The following UBE2E2 variants were observed in gnomAD, a reference collection of about 807,000 sequenced individuals.
The protein encoded by UBE2E2 is ubiquitin-conjugating enzyme E2 E2.
In UBE2E2, 6 loss-of-function variants were observed where a neutral mutation model predicts 24.7. The ratio of observed to expected loss-of-function variants is 0.24; its 90% CI spans 0.13 to 0.48. The LOEUF (loss-of-function observed/expected upper bound fraction) is 0.48, where lower values mean the gene tolerates loss of function less well. UBE2E2 is among the 20% of genes least tolerant of loss of function. The probability of loss-of-function intolerance (pLI) is 0.99; values close to 1 mark genes in which losing one functional copy is unlikely to be tolerated. For synonymous variants in UBE2E2, 104 were observed against 83.6 expected (o/e 1.24, Z -1.33); for missense variants, 169 against 245.0 (o/e 0.69, Z 2.07).
intron 3 of UBE2E2, among the ~76,000 whole-genome samples, chr3:23,233,560 T>C (rs1463796562): frequency 6.6e-6 from 1 of 152,184 alleles, no homozygotes; most frequent in Non-Finnish European, 1.5e-5. Context: ...GAACAAAACC[T>C]TATGCATTTT....
At chr3:23,284,842 TC>T (rs1381921968) in intron 3 of UBE2E2, among the ~76,000 whole-genome samples, 2 of 151,710 alleles carry the variant, frequency 1.3e-5, no homozygotes, top group Non-Finnish European at 2.9e-5. Flanking sequence ...CCAGTTGTAC[TC>T]CCTGAGGTCT....
intron 5 of UBE2E2, among the ~76,000 whole-genome samples, chr3:23,543,300 C>T (rs968875678): frequency 5.3e-5 from 8 of 152,146 alleles, no homozygotes; most frequent in Middle Eastern, 3.4e-3. Context: ...TGATCGTATA[C>T]CTAGAAAACC....
chr3:23,270,875 C>G (rs1169000703), intron 3 of UBE2E2: 1 of 455,536 alleles, frequency 2.2e-6, no homozygotes, highest in African/African-American at 2.0e-5. Context: ...TTACAAGTCT[C>G]AGATTAAGAA....
intron 5 of UBE2E2, among the ~76,000 whole-genome samples, chr3:23,544,459 T>G (rs988904943): frequency 2.8e-4 from 43 of 152,186 alleles, no homozygotes; most frequent in African/African-American, 9.9e-4. Flanking sequence ...CTGCTCAACA[T>G]TACTAATAAC....
At chr3:23,464,298 A>G (rs1488356974) in intron 3 of UBE2E2, among the ~76,000 whole-genome samples, 3 of 152,158 alleles carry the variant, frequency 2.0e-5, no homozygotes, top group Non-Finnish European at 4.4e-5. Context: ...TTTATAGGAA[A>G]TACTTTAGTT....
chr3:23,282,657 C>G (rs1435297257), intron 3 of UBE2E2, among the ~76,000 whole-genome samples: 3 of 152,052 alleles, frequency 2.0e-5, no homozygotes, highest in Non-Finnish European at 4.4e-5. Context: ...GATACAAATT[C>G]TATTTTGATA....
intron 1 of UBE2E2, chr3:23,204,738 C>G: frequency 3.0e-6 from 3 of 985,384 alleles, no homozygotes; most frequent in Non-Finnish European, 3.6e-6. Context: ...GCATAAATGT[C>G]TTTGCAGTTA....
intron 3 of UBE2E2, among the ~76,000 whole-genome samples, chr3:23,277,705 A>G (rs1698401609): frequency 1.3e-5 from 2 of 152,132 alleles, no homozygotes; most frequent in South Asian, 2.1e-4. Context: ...AGATTCAGTC[A>G]CTAAATGTTT....
chr3:23,576,950 G>A (rs28367247), intron 5 of UBE2E2, among the ~76,000 whole-genome samples: 33,958 of 151,340 alleles, frequency 0.22, 3,896 homozygotes, highest in Non-Finnish European at 0.26. Flanking sequence ...TTGAAGGTTA[G>A]TAGCAAGCCC....
At chr3:23,207,428 G>GA (rs34004449) in intron 1 of UBE2E2, among the ~76,000 whole-genome samples, 47 of 146,672 alleles carry the variant, frequency 3.2e-4, no homozygotes, top group Non-Finnish European at 4.7e-4. Context: ...AGAATGTGGG[G>GA]AAAAAAAAAA....
intron 3 of UBE2E2, among the ~76,000 whole-genome samples, chr3:23,486,717 A>T (rs987655992): frequency 3.9e-5 from 6 of 152,184 alleles, no homozygotes; most frequent in African/African-American, 1.4e-4. Context: ...AACTCCTTTC[A>T]GCAGGCAGGT....
In UBE2E2 at chr3:23,504,912, C is replaced by CTTTTTTTTTTT. The variant is rs150970405; in HGVS notation, c.360+5176_360+5186dup. 2.7e-4 allele frequency among the ~76,000 whole-genome samples: 26 copies of CTTTTTTTTTTT among 95,062 alleles called. 2 individuals are homozygous for CTTTTTTTTTTT. The highest frequency in any genetic ancestry group is 7.9e-4 in the African/African-American group (17 of 21,554). 62.4% of individuals were successfully genotyped at this position (95,062 alleles called of 152,430 possible). A position where few individuals can be genotyped will look rare whatever the true frequency, so the allele number is the denominator to read the frequency against. On this transcript the variant is annotated intron_variant, in intron 4 of 5. Coordinates refer to ENST00000396703, the MANE Select transcript of UBE2E2 (RefSeq NM_152653.4). ...AATGTTTCTGTTTCAGACATTCTTT[C>CTTTTTTTTTTT]TTTTTTTTTTTTTTGAGACAGGGTC... is the stretch of plus-strand genomic sequence containing the variant.
intron 1 of UBE2E2, among the ~76,000 whole-genome samples, chr3:23,205,991 C>G (rs938220477): frequency 6.6e-6 from 1 of 152,156 alleles, no homozygotes. Context: ...AACTGAAACT[C>G]TCAGCATAGT....
chr3:23,401,500 G>A (rs1460361090), intron 3 of UBE2E2, among the ~76,000 whole-genome samples: 2 of 152,084 alleles, frequency 1.3e-5, no homozygotes, highest in East Asian at 1.9e-4. Flanking sequence ...AGGTAAAAAC[G>A]TGGGATTTTA....
intron 5 of UBE2E2, among the ~76,000 whole-genome samples, chr3:23,577,025 A>C (rs1696362577): frequency 6.6e-6 from 1 of 151,898 alleles, no homozygotes; most frequent in South Asian, 2.1e-4. Flanking sequence ...ACATTTTGGT[A>C]ATTCTCACAA....
At chr3:23,520,809 G>T (rs1694846396) in intron 4 of UBE2E2, among the ~76,000 whole-genome samples, 1 of 152,118 alleles carries the variant, frequency 6.6e-6, no homozygotes, top group Non-Finnish European at 1.5e-5. Flanking sequence ...TGCCTGGATA[G>T]TTTTTTAGTT....
intron 3 of UBE2E2, among the ~76,000 whole-genome samples, chr3:23,430,887 T>G (rs1047921970): frequency 6.6e-6 from 1 of 152,230 alleles, no homozygotes; most frequent in African/African-American, 2.4e-5. Flanking sequence ...ATACAGAGTT[T>G]ATGAAATGCT....
chr3:23,541,015 G>A (rs1575694885), intron 5 of UBE2E2, among the ~76,000 whole-genome samples: 2 of 152,198 alleles, frequency 1.3e-5, no homozygotes, highest in East Asian at 3.8e-4. Context: ...CATTGTTAGT[G>A]TTATGGAAAT....
At chr3:23,365,576 C>G (rs889597777) in intron 3 of UBE2E2, among the ~76,000 whole-genome samples, 1 of 152,026 alleles carries the variant, frequency 6.6e-6, no homozygotes, top group Non-Finnish European at 1.5e-5. Flanking sequence ...TGAAAGATCT[C>G]TAAATGAGAA....
Sources: allele counts gnomAD v4.1 joint callset (sites outside exome capture counted in the v4.1 genomes callset), GRCh38; gene constraint gnomAD v4.1.1; transcripts MANE v1.5; gene names NCBI Gene and HGNC (gene_info 2026-07-23, HGNC 2026-07-21).